The following EPB41L4A variants were observed in gnomAD, a reference collection of about 807,000 sequenced individuals.
The protein encoded by EPB41L4A is erythrocyte membrane protein band 4.1 like 4A.
In EPB41L4A, 100 loss-of-function variants were observed where a neutral mutation model predicts 108.6. That is an observed-to-expected ratio of 0.92 (90% confidence interval 0.78 to 1.09). EPB41L4A has a LOEUF of 1.09. Ranked by LOEUF, EPB41L4A falls within the 50% of genes least tolerant of loss-of-function variation. The pLI is 0.00. For missense variants in EPB41L4A, 1,030 were observed against 842.7 expected (o/e 1.22, Z -2.75); for synonymous variants, 319 against 289.0 (o/e 1.10, Z -1.05).
At chr5:112,165,157 AAAC>A (rs1760167118) in intron 22 of EPB41L4A, 39 bp from the exon 23 acceptor site, 1 of 1,494,118 alleles carries the variant, frequency 6.7e-7, no homozygotes, top group African/African-American at 1.4e-5. Flanking sequence ...ATTCAGAAGA[AAAC>A]AGCCAAATGA....
At chr5:112,341,586 A>G (rs1757320151) in intron 1 of EPB41L4A, among the ~76,000 whole-genome samples, 1 of 152,192 alleles carries the variant, frequency 6.6e-6, no homozygotes, top group African/African-American at 2.4e-5. Context: ...GATGGTTCAC[A>G]TCCAACAATC....
At chr5:112,211,512 C>T (rs1047995516) in intron 12 of EPB41L4A, among the ~76,000 whole-genome samples, 8 of 150,422 alleles carry the variant, frequency 5.3e-5, no homozygotes, top group African/African-American at 9.8e-5. Context: ...AACTGGGACC[C>T]GGGAGGTGGA....
intron 15 of EPB41L4A, among the ~76,000 whole-genome samples, chr5:112,200,087 T>C (rs56347490): frequency 4.9e-4 from 75 of 152,374 alleles, no homozygotes; most frequent in Admixed American, 1.2e-3. Context: ...TTTCTCTCTA[T>C]GCTCATTTCT....
intron 9 of EPB41L4A, among the ~76,000 whole-genome samples, chr5:112,255,749 A>G (rs955367072): frequency 4.6e-5 from 7 of 152,030 alleles, no homozygotes; most frequent in African/African-American, 1.7e-4. Flanking sequence ...TATATATTCA[A>G]ATTTATATAT....
chr5:112,412,356 G>T (rs896146264), intron 1 of EPB41L4A, among the ~76,000 whole-genome samples: 2 of 152,196 alleles, frequency 1.3e-5, no homozygotes, highest in Non-Finnish European at 2.9e-5. Flanking sequence ...TCCAGACCTT[G>T]ATGAATCTCT....
chr5:112,191,810 C>T (rs1422648731), intron 17 of EPB41L4A, among the ~76,000 whole-genome samples: 3 of 152,142 alleles, frequency 2.0e-5, no homozygotes, highest in East Asian at 1.9e-4. Context: ...AAAAGAGGTT[C>T]TAAAAAGCAA....
chr5:112,218,662 A>T (rs1747821314), intron 12 of EPB41L4A, among the ~76,000 whole-genome samples: 1 of 152,240 alleles, frequency 6.6e-6, no homozygotes, highest in South Asian at 2.1e-4. Flanking sequence ...TAGTAAATAA[A>T]GTAAATGCAA....
At chr5:112,283,530 G>A (rs1451321548) in intron 2 of EPB41L4A, among the ~76,000 whole-genome samples, 3 of 152,120 alleles carry the variant, frequency 2.0e-5, no homozygotes, top group East Asian at 3.9e-4. Context: ...TATAGTTTAA[G>A]AGAAAAAAGG....
intron 4 of EPB41L4A, among the ~76,000 whole-genome samples, chr5:112,268,370 C>T (rs6898874): frequency 2.0e-5 from 3 of 151,870 alleles, no homozygotes; most frequent in African/African-American, 7.3e-5. Flanking sequence ...AGAGCAAGAC[C>T]CTGTCTCAAA....
At chr5:112,329,869 A>G (rs573877388) in intron 1 of EPB41L4A, among the ~76,000 whole-genome samples, 39 of 152,160 alleles carry the variant, frequency 2.6e-4, no homozygotes, top group Non-Finnish European at 5.6e-4. Flanking sequence ...TATCTGCCAC[A>G]TCAAAAAGAG....
intron 2 of EPB41L4A, among the ~76,000 whole-genome samples, chr5:112,291,505 T>A (rs916026971): frequency 3.9e-5 from 6 of 152,196 alleles, no homozygotes; most frequent in Non-Finnish European, 5.9e-5. Context: ...GTTGGGAGTG[T>A]TAGGCCTCAG....
intron 18 of EPB41L4A, among the ~76,000 whole-genome samples, chr5:112,180,919 G>C (rs1761114143): frequency 6.6e-6 from 1 of 152,120 alleles, no homozygotes; most frequent in South Asian, 2.1e-4. Flanking sequence ...TAAAAATGAA[G>C]ATATATGAAT....
At chr5:112,418,189 A>G (rs1213949629) in intron 1 of EPB41L4A, among the ~76,000 whole-genome samples, 3 of 152,244 alleles carry the variant, frequency 2.0e-5, no homozygotes, top group Admixed American at 6.5e-5. Flanking sequence ...ACACTGTTGC[A>G]AAAGCAAAAC....
intron 1 of EPB41L4A, chr5:112,392,752 T>G (rs921220947): frequency 4.6e-5 from 7 of 152,220 alleles, no homozygotes; most frequent in African/African-American, 1.7e-4. Context: ...AATAGACATC[T>G]ACAGAACTCT....
At chr5:112,191,852 TAC>T (rs756530419) in intron 17 of EPB41L4A, among the ~76,000 whole-genome samples, 30 of 152,102 alleles carry the variant, frequency 2.0e-4, no homozygotes, top group Admixed American at 3.9e-4. Flanking sequence ...CTCCATAGGC[TAC>T]AGTTTCCTAG....
intron 4 of EPB41L4A, among the ~76,000 whole-genome samples, chr5:112,273,331 G>A (rs1301502644): frequency 6.6e-6 from 1 of 152,038 alleles, no homozygotes; most frequent in African/African-American, 2.4e-5. Context: ...AAATATTGTG[G>A]GTTGTAAATT....
At chr5:112,415,975 AT>A (rs145027063) in intron 1 of EPB41L4A, among the ~76,000 whole-genome samples, 12,105 of 149,516 alleles carry the variant, frequency 0.081, 1,497 homozygotes, top group African/African-American at 0.26. Flanking sequence ...TTTTTCTGGT[AT>A]TTTTTTTTTA....
chr5:112,167,445 G>T (rs6594567), intron 22 of EPB41L4A, among the ~76,000 whole-genome samples: 113,184 of 152,100 alleles, frequency 0.74, 43,205 homozygotes, highest in East Asian at 1. Flanking sequence ...CATGCAGATC[G>T]CCATTCTAGA....
At chr5:112,418,309 T>A (rs1165532059) in intron 1 of EPB41L4A, among the ~76,000 whole-genome samples, 1 of 152,202 alleles carries the variant, frequency 6.6e-6, no homozygotes. Context: ...TTGGGCTCTC[T>A]AGGTTAATGT....
Sources: allele counts gnomAD v4.1 joint callset (sites outside exome capture counted in the v4.1 genomes callset), GRCh38; gene constraint gnomAD v4.1.1; transcripts MANE v1.5; gene names NCBI Gene and HGNC (gene_info 2026-07-23, HGNC 2026-07-21).